The following PKD1L3 variants were observed in gnomAD, a reference collection of about 807,000 sequenced individuals.
PKD1L3 encodes polycystin-1-like protein 3.
A neutral mutation model predicts 184.1 loss-of-function variants in PKD1L3; 239 were observed. The observed-to-expected ratio is 1.30, with a 90% CI of 1.17 to 1.45. The LOEUF (loss-of-function observed/expected upper bound fraction) is 1.45. Among genes scored for constraint, PKD1L3 ranks in the 40% most tolerant of loss-of-function variants. The pLI is 0.00. For missense variants in PKD1L3, 2,660 were observed against 2,067.2 expected (o/e 1.29, Z -5.56); for synonymous variants, 996 against 778.8 (o/e 1.28, Z -4.64).
At chr16:71,986,602 C>A (rs2040377032) in intron 4 of PKD1L3, 133 bp from the exon 5 acceptor site, 5 of 1,055,132 alleles carry the variant, frequency 4.7e-6, no homozygotes, top group Non-Finnish European at 6.6e-6. Context: ...AAAAAAAATT[C>A]TGTGCTCAAA....
rs1295036676 is a variant in PKD1L3 at position 71,982,471 on chromosome 16, G to C, written c.967-236C>G. 2.6e-5 allele frequency among the ~76,000 whole-genome samples: 4 copies of C among 151,938 alleles called. No homozygotes were observed. The East Asian group carries it at 7.7e-4, about 29-fold the overall frequency. On this transcript the variant is annotated intron_variant, in intron 6 of 29. Coordinates refer to ENST00000620267, the MANE Select transcript of PKD1L3 (RefSeq NM_181536.2). The stretch of plus-strand genomic sequence containing the variant: ...CAACTAATTTTGTATTTTTAGCAGA[G>C]ATGGAGTTTCTCCATGTTGGTCAGG...
chr16:71,997,761 A>AAATAAATT (rs1377847103), intron 2 of PKD1L3, among the ~76,000 whole-genome samples: 1 of 149,912 alleles, frequency 6.7e-6, no homozygotes, highest in Non-Finnish European at 1.5e-5. Flanking sequence ...AAAAATAAAT[A>AAATAAATT]AATAAATAAA....
At chr16:71,980,978 C>T (rs1483065013) in intron 7 of PKD1L3, among the ~76,000 whole-genome samples, 1 of 152,184 alleles carries the variant, frequency 6.6e-6, no homozygotes, top group Non-Finnish European at 1.5e-5. Context: ...TGAATCACAA[C>T]ATACAGTCTT....
intron 28 of PKD1L3, chr16:71,931,059 G>C (rs2037938963): frequency 6.6e-6 from 1 of 150,982 alleles, no homozygotes; most frequent in Non-Finnish European, 1.5e-5. Context: ...TTATTTTTAT[G>C]TACAATTTTA....
rs1199232376 is a variant in PKD1L3 at position 71,945,285 on chromosome 16, TATATATATATATATATATATAC to T, written c.3719-1137_3719-1116del. Reference sequence around the variant, plus strand: ...TCTTAACTATATATATATATATATATATATATATATATATATATATACACACACACACACACATATATACACA... The same window carrying T: ...TCTTAACTATATATATATATATATATACACACACACACACATATATACACA... On this transcript the variant is annotated intron_variant, in intron 22 of 29. Coordinates refer to ENST00000620267, the MANE Select transcript of PKD1L3 (RefSeq NM_181536.2). 5.2e-4 allele frequency among the ~76,000 whole-genome samples: 31 copies of T among 59,292 alleles called. 1 individual carries two copies. The highest frequency in any genetic ancestry group is 2.5e-3 in the African/African-American group (25 of 10,126). 38.9% of individuals were successfully genotyped at this position (59,292 alleles called of 152,430 possible).
At position 71,951,582 on chromosome 16, in the gene PKD1L3, C is replaced by G. The variant is rs1204827051; in HGVS notation, c.3172G>C (p.Glu1058Gln). 2 of 1,550,886 alleles carry G rather than the reference C, an allele frequency of 1.3e-6. No individual in the cohort carries two copies. The highest frequency in any genetic ancestry group is 1.7e-6 in the Non-Finnish European group (2 of 1,146,732). Reference sequence around the variant, plus strand: ...AGTTTACCACGTGCCCAGTGGCGCTCTCCCTGCTGATGACAGCCTTGACCC... The same window carrying G: ...AGTTTACCACGTGCCCAGTGGCGCTGTCCCTGCTGATGACAGCCTTGACCC... The part of the protein sequence containing the change: ...LEGQGCHQQG[E>Q]RHWARVVPEN... The change falls in exon 19 of 30, where the codon GAG becomes CAG. Residue 1058 changes from glutamate to glutamine, a missense_variant. Transcript: ENST00000620267.
intron 4 of PKD1L3, among the ~76,000 whole-genome samples, chr16:71,987,731 C>G (rs1045626803): frequency 6.6e-6 from 1 of 152,020 alleles, no homozygotes; most frequent in East Asian, 1.9e-4. Context: ...TCTTGAACTC[C>G]TAGCTTAAGC....
At chr16:71,979,973 A>G (rs1567540323) in intron 8 of PKD1L3, 34 bp downstream of exon 8, 4 of 1,550,310 alleles carry the variant, frequency 2.6e-6, no homozygotes, top group Non-Finnish European at 3.5e-6. Flanking sequence ...TGAAAAACAC[A>G]GTGAAACTCT....
chr16:71,962,283 C>A lies in PKD1L3; in HGVS notation c.2612+922G>T, dbSNP rs181458383. 3.9e-5 allele frequency among the ~76,000 whole-genome samples: 6 copies of A among 152,084 alleles called. No individual in the cohort carries two copies. The East Asian group carries it at 1.2e-3, about 29-fold the overall frequency. On this transcript the variant is annotated intron_variant, in intron 16 of 29. Coordinates refer to ENST00000620267, the MANE Select transcript of PKD1L3 (RefSeq NM_181536.2). ...GTTCCCATGAGGAAAAAGCCGAGAG[C>A]CGTAATATTGAACCAGAAAGCTGAA...
At chr16:71,976,280 T>TTTTTTTTTTTTTTAA (rs1597350924) in intron 11 of PKD1L3, among the ~76,000 whole-genome samples, 3 of 147,932 alleles carry the variant, frequency 2.0e-5, no homozygotes, top group Non-Finnish European at 3.0e-5. Flanking sequence ...TTTTTTTTTT[T>TTTTTTTTTTTTTTAA]AAGACAGTCT....
At chr16:71,952,553 G>T (rs1336042891) in intron 18 of PKD1L3, among the ~76,000 whole-genome samples, 1 of 148,826 alleles carries the variant, frequency 6.7e-6, no homozygotes, top group African/African-American at 2.4e-5. Flanking sequence ...ATTTGATACT[G>T]GCTGGGCACG....
chr16:71,980,007 C>T lies in PKD1L3; in HGVS notation c.1271G>A (p.Arg424Lys), dbSNP rs1332996675. Residue 424 changes from arginine (R) to lysine (K), a missense_variant and splice_region_variant, in exon 8 of 30, where the codon AGA becomes AAA. Transcript: ENST00000620267. Reference protein sequence around the residue: ...TSANATLLLSRQNISTLPLSS... With the variant: ...TSANATLLLSKQNISTLPLSS... ...CTCCCCGTTCCTTCTTCCCATTAAC[C>T]TGCTCAGCAGCAGAGTAGCATTGGC... 31 of 1,551,942 alleles carry T rather than the reference C, an allele frequency of 2.0e-5. No individual in the cohort carries two copies. The Admixed American group carries it at 5.3e-4, about 27-fold the overall frequency.
intron 18 of PKD1L3, among the ~76,000 whole-genome samples, chr16:71,952,563 G>A (rs113865169): frequency 0.35 from 29,338 of 84,752 alleles, 3,517 homozygotes; most frequent in Non-Finnish European, 0.41. Flanking sequence ...GGCTGGGCAC[G>A]GTGGCTTACG....
intron 4 of PKD1L3, among the ~76,000 whole-genome samples, chr16:71,986,761 G>A (rs1160397640): frequency 6.6e-6 from 1 of 152,080 alleles, no homozygotes; most frequent in African/African-American, 2.4e-5. Context: ...TGAGCAAAAG[G>A]AGCCAAGTTC....
chr16:71,991,569 A>C lies in PKD1L3; in HGVS notation c.536-1240T>G, dbSNP rs77837374. On this transcript the variant is annotated intron_variant, in intron 3 of 29. Coordinates refer to ENST00000620267, the MANE Select transcript of PKD1L3 (RefSeq NM_181536.2). Reference sequence around the variant, plus strand: ...AAATGTAAGGTGCTCTCCTAACAACAAAAAGGGTGATAAATACGAAACCAT... The same window carrying C: ...AAATGTAAGGTGCTCTCCTAACAACCAAAAGGGTGATAAATACGAAACCAT... Among the ~76,000 whole-genome samples the C allele has an allele frequency of 3.9e-5, 6 of 152,352 alleles. No individual in the cohort carries two copies. In the East Asian group the frequency reaches 9.6e-4, roughly 24 times the overall value.
chr16:71,980,788 T>A (rs12921355), intron 7 of PKD1L3, among the ~76,000 whole-genome samples: 31,866 of 152,018 alleles, frequency 0.21, 4,079 homozygotes, highest in South Asian at 0.43. Context: ...AGCACCCAGA[T>A]CACACTACTG....
intron 26 of PKD1L3, 103 bp downstream of exon 26, chr16:71,935,255 G>A: frequency 8.1e-7 from 1 of 1,236,172 alleles, no homozygotes. Flanking sequence ...CTAATGTTAT[G>A]CAAATACAGA....
chr16:71,967,283 C>T lies in PKD1L3; in HGVS notation c.2319G>A (p.Arg773=). Residue 773 remains arginine, a synonymous_variant, in exon 15 of 30, where the codon CGG becomes CGA. Coordinates refer to ENST00000620267, the MANE Select transcript of PKD1L3 (RefSeq NM_181536.2). ...VVITLYGSEG[R]SEPHHLCDPQ... is the part of the protein sequence containing the mutation. ...GGTCACAGAGGTGATGGGGCTCACTCCGTCCCTCTGATCCATAGAGGGTGA... is the reference window on the plus strand; with the variant it reads ...GGTCACAGAGGTGATGGGGCTCACTTCGTCCCTCTGATCCATAGAGGGTGA... 1 of 1,551,616 alleles carries T rather than the reference C, an allele frequency of 6.4e-7. No homozygotes were observed. The highest frequency in any genetic ancestry group is 8.7e-7 in the Non-Finnish European group (1 of 1,146,938).
At chr16:71,969,842 A>G in intron 13 of PKD1L3, 33 bp downstream of exon 13, 11 of 1,514,532 alleles carry the variant, frequency 7.3e-6, no homozygotes, top group Non-Finnish European at 9.8e-6. Flanking sequence ...TCAAAACATC[A>G]TGGCAAATCT....
Sources: allele counts gnomAD v4.1 joint callset (sites outside exome capture counted in the v4.1 genomes callset), GRCh38; gene constraint gnomAD v4.1.1; transcripts MANE v1.5; gene names NCBI Gene and HGNC (gene_info 2026-07-23, HGNC 2026-07-21).